The following USP8 variants were observed in gnomAD, a reference collection of about 807,000 sequenced individuals.
USP8 encodes ubiquitin specific peptidase 8.
Under a neutral mutation model 130.0 loss-of-function variants are expected in USP8, and 27 were observed. The ratio of observed to expected loss-of-function variants is 0.21; its 90% CI spans 0.15 to 0.29. The LOEUF is 0.29. USP8 is among the 10% of genes least tolerant of loss of function. The probability of loss-of-function intolerance (pLI) is 1.00; values close to 1 mark genes in which losing one functional copy is unlikely to be tolerated. For synonymous variants in USP8, 392 were observed against 444.1 expected, an observed-to-expected ratio of 0.88 and a Z score of 1.48; for missense variants, 1,029 against 1,312.2, an observed-to-expected ratio of 0.78 and a Z score of 3.33.
At chr15:50,485,912 G>C (rs1210102428) in intron 12 of USP8, among the ~76,000 whole-genome samples, 2 of 151,996 alleles carry the variant, frequency 1.3e-5, no homozygotes, top group Non-Finnish European at 1.5e-5. Flanking sequence ...CAATGTAAAT[G>C]CTATGAAAGT....
chr15:50,441,823 T>G (rs1472410255), intron 3 of USP8, among the ~76,000 whole-genome samples: 1 of 151,214 alleles, frequency 6.6e-6, no homozygotes, highest in African/African-American at 2.4e-5. Flanking sequence ...CATGACTGTG[T>G]TTTTTTTTAT....
rs71124362 is a variant in USP8, at chr15:50,504,997, A to AAAT, written c.*5909_*5910insAAT. 6.7e-4 allele frequency: 100 copies of AAAT among 148,786 alleles called. No homozygotes were observed. Among genetic ancestry groups the AAAT allele is most frequent in the South Asian group, 1.5e-3 (7 of 4,732 alleles). 9.2% of individuals were successfully genotyped at this position (148,786 alleles called of 1,614,324 possible). A position where few individuals can be genotyped will look rare whatever the true frequency, so the allele number is the denominator to read the frequency against. ...ACTCCATCTCAAAAAAAAAAAAAAA[A>AAAT]GAATAAACTATAAAATGAAGTTGGG... On this transcript the variant is annotated 3_prime_UTR_variant, in exon 20 of 20. Coordinates refer to ENST00000307179, the MANE Select transcript of USP8 (RefSeq NM_005154.5).
chr15:50,424,701 C>G, intron 1 of USP8, 187 bp downstream of exon 1: 2 of 391,598 alleles, frequency 5.1e-6, no homozygotes, highest in East Asian at 3.6e-5. Context: ...GAGTCTTTTA[C>G]GCCATCTACC....
intron 7 of USP8, chr15:50,466,943 T>A (rs2051210681): frequency 2.3e-6 from 1 of 439,914 alleles, no homozygotes; most frequent in Non-Finnish European, 4.3e-6. Context: ...CAAGAAAAAC[T>A]CCTTTTGGTG....
Position 50,499,212 on chromosome 15 carries a change from T to TGTTA in USP8, c.*125_*128dup, listed in dbSNP as rs1481620072. ...AGGAATTCTAGGACAGTGGGAGCTG[T>TGTTA]GTTACTAGCACTATATAATTCCGGT... On this transcript the variant is annotated 3_prime_UTR_variant, in exon 20 of 20. Transcript: ENST00000307179. 2.8e-5 allele frequency: 25 copies of TGTTA among 895,242 alleles called. No individual in the cohort carries two copies. In the African/African-American group the frequency reaches 3.4e-4, roughly 12 times the overall value. 55.5% of individuals were successfully genotyped at this position (895,242 alleles called of 1,614,324 possible). A position where few individuals can be genotyped will look rare whatever the true frequency, so the allele number is the denominator to read the frequency against.
At chr15:50,486,633 CT>C (rs2141311614) in intron 12 of USP8, among the ~76,000 whole-genome samples, 1 of 152,296 alleles carries the variant, frequency 6.6e-6, no homozygotes, top group African/African-American at 2.4e-5. Context: ...AGTTCATTAA[CT>C]ACAGAAGTCA....
chr15:50,425,129 C>T (rs2049671115), intron 1 of USP8, among the ~76,000 whole-genome samples: 1 of 152,180 alleles, frequency 6.6e-6, no homozygotes, highest in Non-Finnish European at 1.5e-5. Flanking sequence ...AGACCACCCT[C>T]CTGGGTTTAT....
chr15:50,450,933 G>A (rs2050611741), intron 4 of USP8, among the ~76,000 whole-genome samples: 1 of 152,122 alleles, frequency 6.6e-6, no homozygotes, highest in Non-Finnish European at 1.5e-5. Flanking sequence ...AGAGAACAAT[G>A]GAACTGGTTT....
chr15:50,449,273 A>T (rs190775040), intron 3 of USP8, 127 bp from the exon 4 acceptor site: 102 of 487,236 alleles, frequency 2.1e-4, no homozygotes, highest in Non-Finnish European at 3.1e-4. Flanking sequence ...AAAAGTTTTT[A>T]AAAATCTTCC....
intron 4 of USP8, among the ~76,000 whole-genome samples, chr15:50,457,163 A>T (rs1230352434): frequency 6.6e-6 from 1 of 152,240 alleles, no homozygotes; most frequent in Non-Finnish European, 1.5e-5. Context: ...TAAAATTTTA[A>T]ATATGTGAAG....
chr15:50,431,221 A>G (rs1422824174), intron 1 of USP8, among the ~76,000 whole-genome samples: 24 of 118,814 alleles, frequency 2.0e-4, no homozygotes, highest in Admixed American at 2.0e-3. Flanking sequence ...TCGATCAACC[A>G]GTTACCAAAG....
chr15:50,452,474 GA>G (rs2050656318), intron 4 of USP8, among the ~76,000 whole-genome samples: 1 of 152,172 alleles, frequency 6.6e-6, no homozygotes, highest in African/African-American at 2.4e-5. Flanking sequence ...GTAAGGTGTG[GA>G]TAAGAGAAGA....
At position 50,468,235 on chromosome 15, in the gene USP8, CT is replaced by C. The variant is rs71424068; in HGVS notation, c.686+3062del. Among the ~76,000 whole-genome samples the C allele has an allele frequency of 1.6e-3, 171 of 105,490 alleles. 1 individual carries two copies. Among genetic ancestry groups the C allele is most frequent in the African/African-American group, 3.1e-3 (84 of 27,336 alleles). 69.2% of individuals were successfully genotyped at this position (105,490 alleles called of 152,430 possible). A position where few individuals can be genotyped will look rare whatever the true frequency, so the allele number is the denominator to read the frequency against. ...ACAGGTGTGAGCCACTGTACCTGGC[CT>C]TTTTTTTTTTTTTTTTTGAGACAGG... On this transcript the variant is annotated intron_variant, in intron 7 of 19. Coordinates refer to ENST00000307179, the MANE Select transcript of USP8 (RefSeq NM_005154.5).
At chr15:50,489,575 G>A in intron 12 of USP8, 1 of 213,108 alleles carries the variant, frequency 4.7e-6, no homozygotes, top group South Asian at 9.9e-5. Flanking sequence ...TATCATTACA[G>A]GCTTAGACAT....
At position 50,492,994 on chromosome 15, in the gene USP8, C is replaced by T. The variant is rs1385609366; in HGVS notation, c.2447+81C>T. ...TTTACTGTCTTAGTCCATTAGTTTT[C>T]TGCTGCTATAACAAAATACCTAAGA... is the stretch of plus-strand genomic sequence containing the variant. On this transcript the variant is annotated intron_variant, in intron 15 of 19. Transcript: ENST00000307179. 6.7e-6 allele frequency: 9 copies of T among 1,343,052 alleles called. No individual in the cohort carries two copies. In the African/African-American group the frequency reaches 1.3e-4, roughly 19 times the overall value. The allele number at this position is 1,343,052 out of a possible 1,614,324, so 83.2% of individuals were successfully genotyped here. A position where few individuals can be genotyped will look rare whatever the true frequency, so the allele number is the denominator to read the frequency against.
intron 4 of USP8, among the ~76,000 whole-genome samples, chr15:50,452,626 T>C (rs2050661307): frequency 6.6e-6 from 1 of 152,180 alleles, no homozygotes; most frequent in African/African-American, 2.4e-5. Context: ...TATAGAGCAG[T>C]AGGTAAGTGT....
chr15:50,482,605 A>G (rs1202360785), intron 11 of USP8, among the ~76,000 whole-genome samples: 2 of 152,094 alleles, frequency 1.3e-5, no homozygotes, highest in African/African-American at 4.8e-5. Context: ...TTGGCTACAC[A>G]CCCAAAATTG....
At chr15:50,441,713 A>G (rs1001240630) in intron 3 of USP8, among the ~76,000 whole-genome samples, 1 of 152,212 alleles carries the variant, frequency 6.6e-6, no homozygotes, top group African/African-American at 2.4e-5. Context: ...ATGGATTAGT[A>G]CAAGTTTATA....
rs547096201 is a variant in USP8, at chr15:50,477,631, G to A, written c.1218+132G>A. Reference sequence around the variant, plus strand: ...GAGAGGGGCAGATCACCTGAGGTCAGGAGTTTGAGACCAACCTGGCCAACA... The same window carrying A: ...GAGAGGGGCAGATCACCTGAGGTCAAGAGTTTGAGACCAACCTGGCCAACA... On this transcript the variant is annotated intron_variant, in intron 10 of 19. Coordinates refer to ENST00000307179, the MANE Select transcript of USP8 (RefSeq NM_005154.5). 1.9e-5 allele frequency: 15 copies of A among 784,996 alleles called. No individual in the cohort carries two copies. The East Asian group carries it at 4.4e-4, about 23-fold the overall frequency. 48.6% of individuals were successfully genotyped at this position (784,996 alleles called of 1,614,324 possible). A position where few individuals can be genotyped will look rare whatever the true frequency, so the allele number is the denominator to read the frequency against.
Sources: allele counts gnomAD v4.1 joint callset (sites outside exome capture counted in the v4.1 genomes callset), GRCh38; gene constraint gnomAD v4.1.1; transcripts MANE v1.5; gene names NCBI Gene and HGNC (gene_info 2026-07-23, HGNC 2026-07-21).